SYT16: variants seen among roughly 807,000 people sequenced by gnomAD.
SYT16 encodes the protein synaptotagmin-16.
A neutral mutation model predicts 61.4 loss-of-function variants in SYT16; 42 were observed. That is an observed-to-expected ratio of 0.68 (90% CI 0.53 to 0.89). The LOEUF is 0.89. SYT16 is among the 40% of genes least tolerant of loss of function. SYT16 has a pLI of 0.00. For missense variants in SYT16, 804 were observed against 807.3 expected, an observed-to-expected ratio of 1.00 and a Z score of 0.05; for synonymous variants, 314 against 302.3, an observed-to-expected ratio of 1.04 and a Z score of -0.40.
chr14:61,842,823 C>T (rs944519766), intron 1 of SYT16, among the ~76,000 whole-genome samples: 2 of 150,374 alleles, frequency 1.3e-5, no homozygotes, highest in African/African-American at 2.4e-5. Flanking sequence ...ATACCTAATG[C>T]TAAATGACGA....
At chr14:62,086,741 A>G (rs1189714371) in intron 7 of SYT16, among the ~76,000 whole-genome samples, 1 of 152,262 alleles carries the variant, frequency 6.6e-6, no homozygotes, top group African/African-American at 2.4e-5. Context: ...GTCCTAATTT[A>G]GAAATGGATT....
intron 3 of SYT16, among the ~76,000 whole-genome samples, chr14:62,066,443 C>A (rs184283935): frequency 2.0e-5 from 3 of 152,162 alleles, no homozygotes; most frequent in Non-Finnish European, 4.4e-5. Flanking sequence ...TATGACAGTG[C>A]CTGGCACATA....
At chr14:62,022,660 C>T (rs1349816496) in intron 3 of SYT16, among the ~76,000 whole-genome samples, 1 of 151,916 alleles carries the variant, frequency 6.6e-6, no homozygotes, top group Non-Finnish European at 1.5e-5. Flanking sequence ...ATATGTCATA[C>T]ACTATTTGTG....
intron 3 of SYT16, among the ~76,000 whole-genome samples, chr14:62,050,301 G>A (rs35034862): frequency 5.9e-5 from 9 of 152,164 alleles, no homozygotes; most frequent in East Asian, 1.9e-4. Flanking sequence ...CATAGTTCTC[G>A]TGCCATGGTT....
chr14:61,835,663 C>G (rs1022897480), intron 1 of SYT16, among the ~76,000 whole-genome samples: 1 of 151,702 alleles, frequency 6.6e-6, no homozygotes, highest in Admixed American at 6.6e-5. Flanking sequence ...CTGAAATTAT[C>G]TTTTTACACT....
chr14:61,976,956 G>A (rs1333305470), intron 2 of SYT16, among the ~76,000 whole-genome samples: 1 of 151,820 alleles, frequency 6.6e-6, no homozygotes, highest in Non-Finnish European at 1.5e-5. Context: ...TTTAAATTCA[G>A]ATAATTTCTC....
In SYT16 at chr14:62,105,162, T is replaced by G. The variant is rs2057492162; in HGVS notation, c.*4455T>G. On this transcript the variant is annotated 3_prime_UTR_variant, in exon 8 of 8. Transcript: ENST00000683842. ...TCCAACTGTGGTAGAACCAAGTCTT[T>G]GCATTTATCCCCTTAGTTTGGAGGG... 6.6e-6 allele frequency: 1 copy of G among 152,196 alleles called. No individual in the cohort carries two copies. The highest frequency in any genetic ancestry group is 2.4e-5 in the African/African-American group (1 of 41,452). 9.4% of individuals were successfully genotyped at this position (152,196 alleles called of 1,614,324 possible).
intron 5 of SYT16, among the ~76,000 whole-genome samples, chr14:62,080,040 A>G (rs1300718153): frequency 6.6e-6 from 1 of 152,226 alleles, no homozygotes; most frequent in Non-Finnish European, 1.5e-5. Flanking sequence ...AAGCTAGACT[A>G]CCGAGAGGCT....
At chr14:61,885,849 C>T (rs1270841971) in intron 1 of SYT16, among the ~76,000 whole-genome samples, 2 of 152,008 alleles carry the variant, frequency 1.3e-5, no homozygotes, top group Admixed American at 6.6e-5. Context: ...AAAATACCAA[C>T]AGTCATCTAA....
intron 2 of SYT16, among the ~76,000 whole-genome samples, chr14:61,992,694 T>C (rs1037849466): frequency 2.0e-5 from 3 of 152,092 alleles, no homozygotes; most frequent in African/African-American, 7.2e-5. Context: ...GAATTTGAAC[T>C]TTATCCTATA....
At chr14:61,999,516 A>G (rs1330744615) in intron 3 of SYT16, among the ~76,000 whole-genome samples, 3 of 151,736 alleles carry the variant, frequency 2.0e-5, no homozygotes, top group African/African-American at 7.2e-5. Context: ...TGGCTAGAGG[A>G]TTATTTGTCT....
At chr14:62,076,220 G>T (rs2056491260) in intron 5 of SYT16, among the ~76,000 whole-genome samples, 1 of 152,130 alleles carries the variant, frequency 6.6e-6, no homozygotes, top group Non-Finnish European at 1.5e-5. Context: ...CTCCTATCAT[G>T]ATTCTGTGAC....
intron 1 of SYT16, among the ~76,000 whole-genome samples, chr14:61,883,005 C>G (rs1238389435): frequency 6.6e-6 from 1 of 152,208 alleles, no homozygotes; most frequent in Non-Finnish European, 1.5e-5. Context: ...ACCTTTGTCC[C>G]TTTTAGCCAT....
chr14:62,104,904 C>T lies in SYT16; in HGVS notation c.*4197C>T, dbSNP rs956825119. The T allele has an allele frequency of 2.0e-5, 3 of 152,178 alleles. No individual in the cohort carries two copies. The highest frequency in any genetic ancestry group is 2.4e-5 in the African/African-American group (1 of 41,450). 9.4% of individuals were successfully genotyped at this position (152,178 alleles called of 1,614,324 possible). A position where few individuals can be genotyped will look rare whatever the true frequency, so the allele number is the denominator to read the frequency against. ...AGCATAGAGCCGGGCATGTAGTTAG[C>T]ATTCCGTAGTTCCTCCTTACAGTCA... On this transcript the variant is annotated 3_prime_UTR_variant, in exon 8 of 8. Coordinates refer to ENST00000683842, the MANE Select transcript of SYT16 (RefSeq NM_001367656.1).
At chr14:61,838,648 G>A (rs2046206418) in intron 1 of SYT16, among the ~76,000 whole-genome samples, 2 of 152,242 alleles carry the variant, frequency 1.3e-5, no homozygotes, top group Admixed American at 1.3e-4. Context: ...GCCCTGTCTG[G>A]ATGGGAACTT....
intron 1 of SYT16, among the ~76,000 whole-genome samples, chr14:61,927,695 G>T (rs1423511353): frequency 6.6e-6 from 1 of 152,120 alleles, no homozygotes; most frequent in Non-Finnish European, 1.5e-5. Context: ...ACATTCCTTT[G>T]GTGAGTCTCA....
chr14:62,060,202 C>A (rs2055765341), intron 3 of SYT16, among the ~76,000 whole-genome samples: 1 of 152,050 alleles, frequency 6.6e-6, no homozygotes. Context: ...GGGAAATTAG[C>A]ATCTTAACAA....
intron 3 of SYT16, among the ~76,000 whole-genome samples, chr14:62,033,936 G>A (rs1344385989): frequency 6.6e-6 from 1 of 151,776 alleles, no homozygotes; most frequent in Non-Finnish European, 1.5e-5. Flanking sequence ...AAAGAATGAG[G>A]GAAAGCACTT....
intron 5 of SYT16, among the ~76,000 whole-genome samples, chr14:62,078,196 CAT>C (rs1555382589): frequency 6.6e-6 from 1 of 151,140 alleles, no homozygotes; most frequent in Non-Finnish European, 1.5e-5. Flanking sequence ...CACACACACA[CAT>C]ATGTCTATAT....
Sources: allele counts gnomAD v4.1 joint callset (sites outside exome capture counted in the v4.1 genomes callset), GRCh38; gene constraint gnomAD v4.1.1; transcripts MANE v1.5; gene names NCBI Gene and HGNC (gene_info 2026-07-23, HGNC 2026-07-21).